Variants in LRRK1 observed in about 807,000 individuals in gnomAD.
LRRK1 encodes the protein leucine rich repeat kinase 1.
In LRRK1, 113 loss-of-function variants were observed where a neutral mutation model predicts 209.1. The observed-to-expected ratio is 0.54, with a 90% confidence interval of 0.46 to 0.63. The LOEUF (loss-of-function observed/expected upper bound fraction) is 0.63, where lower values mean the gene tolerates loss of function less well. Among genes scored for constraint, LRRK1 ranks in the 30% least tolerant of loss-of-function variants. The pLI is 0.00. For synonymous variants in LRRK1, 1,144 were observed against 1,099.7 expected (o/e 1.04, Z -0.80); for missense variants, 2,284 against 2,632.2 (o/e 0.87, Z 2.89).
At position 100,923,029 on chromosome 15, in the gene LRRK1, C is replaced by T. The variant is rs373252703; in HGVS notation, c.-122-1482C>T. 2.6e-4 allele frequency among the ~76,000 whole-genome samples: 39 copies of T among 152,280 alleles called. 1 individual carries two copies. Among genetic ancestry groups the T allele is most frequent in the East Asian group, 1.9e-3 (10 of 5,194 alleles). On this transcript the variant is annotated intron_variant, in intron 1 of 33. Transcript: ENST00000388948. The stretch of plus-strand genomic sequence containing the variant: ...CTCACGGCATCTTCTAGAACCTACC[C>T]GCTGGTGAGGCTGGCATCTGCCCTC...
Position 101,010,443 on chromosome 15 carries a change from A to G in LRRK1, c.990-7A>G. The G allele has an allele frequency of 6.2e-7, 1 of 1,607,290 alleles. No individual in the cohort carries two copies. Among genetic ancestry groups the G allele is most frequent in the East Asian group, 2.2e-5 (1 of 44,868 alleles). ...CTGATGCCTGCCTTCCTTCTTCTCC[A>G]TCGCAGGCTACTTGAAATTGACATT... On this transcript the variant is annotated splice_polypyrimidine_tract_variant and splice_region_variant and intron_variant, in intron 7 of 33. Coordinates refer to ENST00000388948, the MANE Select transcript of LRRK1 (RefSeq NM_024652.6).
intron 2 of LRRK1, among the ~76,000 whole-genome samples, chr15:100,939,694 A>G (rs2042365574): frequency 6.6e-6 from 1 of 152,158 alleles, no homozygotes; most frequent in African/African-American, 2.4e-5. Context: ...TACCTTCTTC[A>G]TTTATCAGCT....
At chr15:100,996,321 A>T (rs1434698089) in intron 6 of LRRK1, among the ~76,000 whole-genome samples, 3 of 152,222 alleles carry the variant, frequency 2.0e-5, no homozygotes, top group Non-Finnish European at 4.4e-5. Context: ...GCATTCCCAG[A>T]ATTCAGCCTG....
rs367709807 is a variant in LRRK1 at position 101,046,037 on chromosome 15, G to A, written c.3020G>A (p.Arg1007Gln). 4.8e-5 allele frequency: 77 copies of A among 1,614,006 alleles called. No individual in the cohort carries two copies. The highest frequency in any genetic ancestry group is 1.1e-4 in the South Asian group (10 of 91,088). Residue 1007 changes from arginine (R) to glutamine (Q), a missense_variant, in exon 21 of 34, where the codon CGG becomes CAG. This residue lies in a region of LRRK1 where 780 missense variants were observed against 985.2 expected (regional missense o/e 0.79). Coordinates refer to ENST00000388948, the MANE Select transcript of LRRK1 (RefSeq NM_024652.6). ...SKPGLDTHGMRHPTANTIQRV... is the reference protein window; with the variant it reads ...SKPGLDTHGMQHPTANTIQRV... ...CCTGGCCTGGACACCCACGGTATGC[G>A]GCACCCCACAGCCAACACCATTCAG...
rs748999992 is a variant in LRRK1, at chr15:101,053,365, C to G, written c.3999C>G (p.Ala1333=). Residue 1333 remains alanine (A), a synonymous_variant, in exon 26 of 34, where the codon GCC becomes GCG. Coordinates refer to ENST00000388948, the MANE Select transcript of LRRK1 (RefSeq NM_024652.6). The stretch of plus-strand genomic sequence containing the variant: ...TCAGCATCCACCCGCTCTGCTTCGC[C>G]CTGGAGCTCGCGCCGCTCAGCAGCC... The part of the protein sequence containing the change: ...IGISIHPLCF[A]LELAPLSSLN... 1.9e-6 allele frequency: 3 copies of G among 1,601,838 alleles called. No individual in the cohort carries two copies. In the South Asian group the frequency reaches 3.3e-5, roughly 18 times the overall value.
Position 101,057,061 on chromosome 15 carries a change from A to ACAGG in LRRK1, c.4527+13_4527+14insGGCA, listed in dbSNP as rs770992237. 166 of 1,581,424 alleles carry ACAGG rather than the reference A, an allele frequency of 1.0e-4. 1 individual carries two copies. The East Asian group carries it at 3.8e-3, about 36-fold the overall frequency. Reference sequence around the variant, plus strand: ...ACTAAGCCAGAGAAGGTACTTGGGGACACAGAGCCCAGGGCCTGGGACCTC... The same window carrying ACAGG: ...ACTAAGCCAGAGAAGGTACTTGGGGACAGGCACAGAGCCCAGGGCCTGGGACCTC... On this transcript the variant is annotated intron_variant, in intron 28 of 33. Coordinates refer to ENST00000388948, the MANE Select transcript of LRRK1 (RefSeq NM_024652.6).
intron 29 of LRRK1, among the ~76,000 whole-genome samples, chr15:101,059,035 G>A (rs1198545502): frequency 6.6e-6 from 1 of 152,126 alleles, no homozygotes; most frequent in African/African-American, 2.4e-5. Flanking sequence ...TTTGCGTCAG[G>A]TTTTATGCCA....
At chr15:100,980,125 G>A (rs2031517680) in intron 3 of LRRK1, among the ~76,000 whole-genome samples, 1 of 152,164 alleles carries the variant, frequency 6.6e-6, no homozygotes, top group Non-Finnish European at 1.5e-5. Context: ...ACTTGCTCAT[G>A]ATGTGTCATA....
chr15:101,062,812 G>A (rs935843056), intron 31 of LRRK1, 122 bp downstream of exon 31: 30 of 746,588 alleles, frequency 4.0e-5, no homozygotes, highest in Admixed American at 2.1e-4. Flanking sequence ...GGCCTAGGAC[G>A]TAGACTTAGA....
chr15:100,981,194 A>G (rs767678139), intron 3 of LRRK1, among the ~76,000 whole-genome samples: 11 of 152,106 alleles, frequency 7.2e-5, no homozygotes, highest in Admixed American at 2.6e-4. Flanking sequence ...CACCTTTTCC[A>G]CTGTCTGGGT....
intron 17 of LRRK1, among the ~76,000 whole-genome samples, chr15:101,026,442 A>T (rs1212953082): frequency 6.6e-6 from 1 of 152,156 alleles, no homozygotes; most frequent in East Asian, 1.9e-4. Flanking sequence ...CCACCCAACC[A>T]ATTGCTGCCC....
chr15:100,966,057 TA>T lies in LRRK1; in HGVS notation c.98-7743del, dbSNP rs148682366. Reference sequence around the variant, plus strand: ...TTTAGAACTGAGATATTTTACTGTATAAAAGAATATAATTATGGATAATAGT... The same window carrying T: ...TTTAGAACTGAGATATTTTACTGTATAAAGAATATAATTATGGATAATAGT... On this transcript the variant is annotated intron_variant, in intron 2 of 33. Transcript: ENST00000388948. Among the ~76,000 whole-genome samples the T allele has an allele frequency of 5.9e-3, 901 of 152,292 alleles. 13 individuals carry two copies. The highest frequency in any genetic ancestry group is 0.021 in the African/African-American group (857 of 41,566).
Position 100,971,289 on chromosome 15 carries a change from G to A in LRRK1, c.98-2515G>A, listed in dbSNP as rs145356763. Among the ~76,000 whole-genome samples the A allele has an allele frequency of 6.3e-4, 95 of 149,790 alleles. No homozygotes were observed. The East Asian group carries it at 0.015, about 24-fold the overall frequency. On this transcript the variant is annotated intron_variant, in intron 2 of 33. Coordinates refer to ENST00000388948, the MANE Select transcript of LRRK1 (RefSeq NM_024652.6). Reference sequence around the variant, plus strand: ...GTGGAGATTGCAGTGAGCCGAGATCGCGCCACTGCACACCAGCCTTGGAAG... The same window carrying A: ...GTGGAGATTGCAGTGAGCCGAGATCACGCCACTGCACACCAGCCTTGGAAG...
At chr15:100,974,101 C>T in intron 3 of LRRK1, 134 bp downstream of exon 3, 1 of 730,334 alleles carries the variant, frequency 1.4e-6, no homozygotes, top group Non-Finnish European at 1.9e-6. Flanking sequence ...CCTCGCTTTG[C>T]GTATAAACTT....
chr15:100,960,353 G>A (rs1235170187), intron 2 of LRRK1, among the ~76,000 whole-genome samples: 3 of 141,286 alleles, frequency 2.1e-5, no homozygotes, highest in Non-Finnish European at 3.0e-5. Flanking sequence ...CAGAAGCAAC[G>A]TGGCAATGTC....
rs181580444 is a variant in LRRK1, at chr15:101,040,395, A to T, written c.2964-5586A>T. 2.7e-4 allele frequency among the ~76,000 whole-genome samples: 41 copies of T among 152,244 alleles called. No individual in the cohort carries two copies. In the East Asian group the frequency reaches 6.4e-3, roughly 24 times the overall value. On this transcript the variant is annotated intron_variant, in intron 20 of 33. Coordinates refer to ENST00000388948, the MANE Select transcript of LRRK1 (RefSeq NM_024652.6). ...TGCTCTCTCTCCTGATATTAATAATATGTCTTTTCTCTCATTCTTTCTTGA... is the reference window on the plus strand; with the variant it reads ...TGCTCTCTCTCCTGATATTAATAATTTGTCTTTTCTCTCATTCTTTCTTGA...
chr15:101,035,959 C>T (rs2034479020), intron 20 of LRRK1, among the ~76,000 whole-genome samples: 1 of 152,194 alleles, frequency 6.6e-6, no homozygotes, highest in Non-Finnish European at 1.5e-5. Context: ...GCTGAGGAAT[C>T]TGCTGTTAGT....
intron 2 of LRRK1, among the ~76,000 whole-genome samples, chr15:100,962,623 T>G (rs1169669883): frequency 6.6e-6 from 1 of 151,028 alleles, no homozygotes; most frequent in East Asian, 1.9e-4. Flanking sequence ...TAGATTTTCT[T>G]TCTAAACAGA....
chr15:101,037,754 C>G (rs1234528752), intron 20 of LRRK1, among the ~76,000 whole-genome samples: 1 of 152,238 alleles, frequency 6.6e-6, no homozygotes, highest in Non-Finnish European at 1.5e-5. Flanking sequence ...CCCAGCACCA[C>G]TGGGCTCCCG....
Sources: allele counts gnomAD v4.1 joint callset (sites outside exome capture counted in the v4.1 genomes callset), GRCh38; gene constraint gnomAD v4.1.1; regional missense constraint gnomAD v4.1.1; transcripts MANE v1.5; gene names NCBI Gene and HGNC (gene_info 2026-07-23, HGNC 2026-07-21).